Variants in DCP1A observed in about 807,000 individuals in gnomAD.
DCP1A encodes the protein mRNA-decapping enzyme 1A.
A neutral mutation model predicts 58.0 loss-of-function variants in DCP1A; 20 were observed. That is an observed-to-expected ratio of 0.34 (90% CI 0.24 to 0.50). The LOEUF (loss-of-function observed/expected upper bound fraction) is 0.50. DCP1A is among the 20% of genes least tolerant of loss of function. DCP1A has a pLI of 0.98. For missense variants in DCP1A, 613 were observed against 712.2 expected, an observed-to-expected ratio of 0.86 and a Z score of 1.59; for synonymous variants, 285 against 275.1, an observed-to-expected ratio of 1.04 and a Z score of -0.36.
chr3:53,292,209 C>G lies in DCP1A; in HGVS notation c.1243G>C (p.Gly415Arg), dbSNP rs782585435. The change falls in exon 7 of 10, where the codon GGT (glycine) becomes CGT (arginine). Residue 415 changes from glycine (G) to arginine (R), a missense_variant. Gly to Arg is a moderately radical substitution (Grantham distance 125). This residue lies in a region of DCP1A where 498 missense variants were observed against 556.7 expected (regional missense o/e 0.89). Transcript: ENST00000610213. ...GGAGAAAAGCTGGCTACCATTGCAC[C>G]TTTCCCAAGTGGTTGTGTCTGTATT... ...DQIQTQPLGKGAMVASFSPAA... is the reference protein window; with the variant it reads ...DQIQTQPLGKRAMVASFSPAA... The G allele has an allele frequency of 6.2e-7, 1 of 1,614,026 alleles. No homozygotes were observed. The highest frequency in any genetic ancestry group is 1.7e-5 in the Admixed American group (1 of 60,024).
chr3:53,338,244 G>C (rs2089148442), intron 3 of DCP1A: 2 of 350,352 alleles, frequency 5.7e-6, no homozygotes, highest in Admixed American at 3.2e-5. Flanking sequence ...AATCCCACTG[G>C]GGTCTTGTGA....
At chr3:53,328,749 CAG>C (rs1397875566) in intron 3 of DCP1A, among the ~76,000 whole-genome samples, 2 of 152,232 alleles carry the variant, frequency 1.3e-5, no homozygotes, top group Non-Finnish European at 2.9e-5. Flanking sequence ...TTTGAACTAA[CAG>C]TGTCACTGAG....
chr3:53,299,706 T>G (rs1553687193), intron 6 of DCP1A, among the ~76,000 whole-genome samples: 1 of 152,256 alleles, frequency 6.6e-6, no homozygotes, highest in Non-Finnish European at 1.5e-5. Context: ...TTGACAGCAG[T>G]ACTTGCTCCT....
intron 6 of DCP1A, among the ~76,000 whole-genome samples, chr3:53,302,447 G>A (rs1006321385): frequency 5.9e-5 from 9 of 152,028 alleles, no homozygotes; most frequent in South Asian, 2.1e-4. Flanking sequence ...CTTCTTTCCC[G>A]TAAGAGACAG....
chr3:53,318,507 G>C (rs928998836), intron 4 of DCP1A, among the ~76,000 whole-genome samples: 1 of 152,038 alleles, frequency 6.6e-6, no homozygotes, highest in African/African-American at 2.4e-5. Context: ...AAAAGCAGAG[G>C]TGCACCAGAA....
chr3:53,309,032 A>C (rs1373598665), intron 5 of DCP1A, among the ~76,000 whole-genome samples: 1 of 152,218 alleles, frequency 6.6e-6, no homozygotes, highest in Non-Finnish European at 1.5e-5. Flanking sequence ...GAAGCAACTC[A>C]TAATGGGCCA....
At chr3:53,323,672 G>C (rs1459979374) in intron 3 of DCP1A, among the ~76,000 whole-genome samples, 4 of 151,968 alleles carry the variant, frequency 2.6e-5, no homozygotes, top group African/African-American at 9.7e-5. Context: ...GACCAGCCTG[G>C]CCAACATGGT....
chr3:53,341,998 T>C, intron 3 of DCP1A, 146 bp downstream of exon 3: 1 of 716,514 alleles, frequency 1.4e-6, no homozygotes, highest in Non-Finnish European at 2.2e-6. Context: ...TTTAAAAGGT[T>C]TGATCTTTCC....
At chr3:53,296,247 T>C (rs1707123788) in intron 6 of DCP1A, among the ~76,000 whole-genome samples, 1 of 152,192 alleles carries the variant, frequency 6.6e-6, no homozygotes, top group African/African-American at 2.4e-5. Context: ...ATTCATTAAA[T>C]GCTCCTGGAA....
chr3:53,287,411 T>A lies in DCP1A; in HGVS notation c.*169A>T. ...GCTGGTGATGCTTCACAGTGAAACC[T>A]CCATTATCACTGAGAATGTCACTTG... On this transcript the variant is annotated 3_prime_UTR_variant, in exon 10 of 10. Coordinates refer to ENST00000610213, the MANE Select transcript of DCP1A (RefSeq NM_018403.7). 5.4e-6 allele frequency: 1 copy of A among 184,402 alleles called. No individual in the cohort carries two copies. Among genetic ancestry groups the A allele is most frequent in the East Asian group, 1.6e-4 (1 of 6,400 alleles). The allele number at this position is 184,402 out of a possible 1,614,324, so 11.4% of individuals were successfully genotyped here.
chr3:53,344,511 G>A (rs1172836516), intron 2 of DCP1A, among the ~76,000 whole-genome samples: 1 of 152,164 alleles, frequency 6.6e-6, no homozygotes, highest in African/African-American at 2.4e-5. Context: ...CACTCATGTA[G>A]TAATGAAAGA....
At position 53,292,642 on chromosome 3, in the gene DCP1A, T is replaced by C. The variant is rs782176345; in HGVS notation, c.810A>G (p.Gln270=). ...CAGAAGGGACACCCAGGGTTTCTGA[T>C]TGAGGGGCTCCTCCTAACTGCTCAA... ...FPFEQLGGAP[Q]SETLGVPSAA... Residue 270 remains glutamine (Q), a synonymous_variant, in exon 7 of 10, where the codon CAA becomes CAG. Transcript: ENST00000610213. 16 of 1,613,566 alleles carry C rather than the reference T, an allele frequency of 9.9e-6. No individual in the cohort carries two copies. In the East Asian group the frequency reaches 1.1e-4, roughly 11 times the overall value.
chr3:53,343,888 G>A (rs905330812), intron 2 of DCP1A, among the ~76,000 whole-genome samples: 20 of 152,214 alleles, frequency 1.3e-4, no homozygotes, highest in African/African-American at 4.8e-4. Flanking sequence ...TGGGATTACA[G>A]GCGTGAGCCA....
At chr3:53,332,670 C>T (rs782008261) in intron 3 of DCP1A, among the ~76,000 whole-genome samples, 9 of 152,038 alleles carry the variant, frequency 5.9e-5, no homozygotes, top group Non-Finnish European at 7.4e-5. Flanking sequence ...CGAGACCATC[C>T]TGGCTAACAC....
At chr3:53,294,171 G>T (rs1707034554) in intron 6 of DCP1A, among the ~76,000 whole-genome samples, 1 of 152,228 alleles carries the variant, frequency 6.6e-6, no homozygotes, top group African/African-American at 2.4e-5. Context: ...TTATCCACAG[G>T]GCAATGGCAA....
chr3:53,326,168 C>A (rs1708098471), intron 3 of DCP1A, among the ~76,000 whole-genome samples: 1 of 152,052 alleles, frequency 6.6e-6, no homozygotes, highest in Non-Finnish European at 1.5e-5. Flanking sequence ...AATATATTAA[C>A]CCGAAATACT....
chr3:53,315,397 G>A (rs1261377839), intron 4 of DCP1A, among the ~76,000 whole-genome samples: 1 of 151,858 alleles, frequency 6.6e-6, no homozygotes, highest in Admixed American at 6.6e-5. Context: ...AATTAGCTGG[G>A]TGCAGTGGCA....
intron 5 of DCP1A, among the ~76,000 whole-genome samples, chr3:53,311,953 T>TA (rs398038702): frequency 0.3 from 43,333 of 146,098 alleles, 7,055 homozygotes; most frequent in Admixed American, 0.39. Context: ...ACATCTGTTT[T>TA]AAAAAAAAAA....
At chr3:53,291,821 G>T (rs939988799) in intron 7 of DCP1A, among the ~76,000 whole-genome samples, 13 of 152,210 alleles carry the variant, frequency 8.5e-5, no homozygotes, top group Middle Eastern at 6.8e-3. Context: ...AGGACTCCTG[G>T]AACTGCTGGG....
Sources: gnomAD v4.1 joint callset for allele counts (sites outside exome capture counted in the v4.1 genomes callset) on GRCh38, gnomAD v4.1.1 for gene constraint, gnomAD v4.1.1 regional missense constraint, MANE v1.5 for transcripts, NCBI Gene and HGNC (gene_info 2026-07-23, HGNC 2026-07-21) for gene names.